The following PREX2 variants were observed in gnomAD, a reference collection of about 807,000 sequenced individuals.
PREX2 encodes phosphatidylinositol-3,4,5-trisphosphate dependent Rac exchange factor 2.
A neutral mutation model predicts 203.2 loss-of-function variants in PREX2; 107 were observed. That is an observed-to-expected ratio of 0.53 (90% CI 0.45 to 0.62). The LOEUF is 0.62. Among genes scored for constraint, PREX2 ranks in the 20% least tolerant of loss-of-function variants. The pLI is 0.00. For missense variants in PREX2, 1,777 were observed against 1,955.9 expected (o/e 0.91, Z 1.72); for synonymous variants, 672 against 663.6 (o/e 1.01, Z -0.19).
At position 68,099,686 on chromosome 8, in the gene PREX2, T is replaced by C. The variant is rs1810202375; in HGVS notation, c.2558T>C (p.Leu853Pro). ...CGTGTGTGTTTGTCATTGCAGATTCTTGAAGCCCTGGCTAAAAGTGATGAG... is the reference window on the plus strand; with the variant it reads ...CGTGTGTGTTTGTCATTGCAGATTCCTGAAGCCCTGGCTAAAAGTGATGAG... ...KGFFSLTAKI[L>P]EALAKSDEHF... The change falls in exon 23 of 40, where the codon CTT becomes CCT. Residue 853 changes from leucine (L) to proline (P), a missense_variant. Transcript: ENST00000288368. 2 of 1,613,278 alleles carry C rather than the reference T, an allele frequency of 1.2e-6. No individual in the cohort carries two copies. Among genetic ancestry groups the C allele is most frequent in the Non-Finnish European group, 8.5e-7 (1 of 1,179,358 alleles).
At chr8:68,123,801 A>G (rs1240451373) in intron 30 of PREX2, among the ~76,000 whole-genome samples, 4 of 151,996 alleles carry the variant, frequency 2.6e-5, no homozygotes, top group African/African-American at 9.7e-5. Context: ...AAAGCCTGGA[A>G]CCAGAGAGAT....
chr8:68,098,532 T>C (rs959084660), intron 22 of PREX2, among the ~76,000 whole-genome samples: 4 of 152,146 alleles, frequency 2.6e-5, no homozygotes, highest in Non-Finnish European at 5.9e-5. Context: ...CATTATAGTA[T>C]TCATGGGATC....
At chr8:67,975,191 G>T (rs1022159567) in intron 1 of PREX2, among the ~76,000 whole-genome samples, 3 of 151,474 alleles carry the variant, frequency 2.0e-5, no homozygotes, top group South Asian at 2.1e-4. Flanking sequence ...AAAGTTCATG[G>T]TCTCCTCTAG....
chr8:68,080,084 A>T (rs1167801907), intron 15 of PREX2, among the ~76,000 whole-genome samples: 1 of 152,156 alleles, frequency 6.6e-6, no homozygotes, highest in Non-Finnish European at 1.5e-5. Context: ...AACACCATAA[A>T]TTTCTATGTT....
chr8:68,070,120 T>C lies in PREX2; in HGVS notation c.1493+236T>C, dbSNP rs150637146. 8.8e-3 allele frequency among the ~76,000 whole-genome samples: 1,333 copies of C among 152,000 alleles called. 17 individuals are homozygous for C. The highest frequency in any genetic ancestry group is 0.031 in the African/African-American group (1,278 of 41,548). On this transcript the variant is annotated intron_variant, in intron 13 of 39. Transcript: ENST00000288368. ...CTAAAATTATTTTGCCATTAGTTCA[T>C]AGTAAATTATACACTTGAAATAATC... is the stretch of plus-strand genomic sequence containing the variant.
At chr8:68,021,847 C>T (rs1807577659) in intron 3 of PREX2, among the ~76,000 whole-genome samples, 189 bp from the exon 4 acceptor site, 1 of 152,152 alleles carries the variant, frequency 6.6e-6, no homozygotes, top group Non-Finnish European at 1.5e-5. Flanking sequence ...TGATATACGT[C>T]TATCTCCCTT....
At chr8:68,056,099 T>A in intron 10 of PREX2, 125 bp downstream of exon 10, 1 of 926,426 alleles carries the variant, frequency 1.1e-6, no homozygotes, top group Non-Finnish European at 1.6e-6. Flanking sequence ...TTCTTTACAG[T>A]TGCCATTTCC....
At position 68,097,112 on chromosome 8, in the gene PREX2, G is replaced by T. The variant is rs190776975; in HGVS notation, c.2464G>T (p.Val822Leu). ...CAATGTCCACCTGGAATATGGTGTC[G>T]TGTATGAGTACGACAGCACAGCTGG... is the stretch of plus-strand genomic sequence containing the variant. ...VDNVHLEYGVVYEYDSTAGIK... is the reference protein window; with the variant it reads ...VDNVHLEYGVLYEYDSTAGIK... The change falls in exon 22 of 40, where the codon GTG (valine) becomes TTG (leucine). Residue 822 changes from valine to leucine, a missense_variant. Physicochemically the swap from Val to Leu is conservative, Grantham distance 32 (BLOSUM62 1). Coordinates refer to ENST00000288368, the MANE Select transcript of PREX2 (RefSeq NM_024870.4). 1 of 1,613,862 alleles carries T rather than the reference G, an allele frequency of 6.2e-7. No individual in the cohort carries two copies. The highest frequency in any genetic ancestry group is 1.3e-5 in the African/African-American group (1 of 74,900).
At position 68,157,995 on chromosome 8, in the gene PREX2, G is replaced by A. The variant is rs548448567; in HGVS notation, c.4346+559G>A. ...TGACAGGGAAAATTAACCACAGTAA[G>A]TGAAAAGAAATGTGTTATAATTCAA... On this transcript the variant is annotated intron_variant, in intron 35 of 39. Coordinates refer to ENST00000288368, the MANE Select transcript of PREX2 (RefSeq NM_024870.4). Among the ~76,000 whole-genome samples the A allele has an allele frequency of 2.0e-5, 3 of 151,704 alleles. No individual in the cohort carries two copies. The South Asian group carries it at 6.2e-4, about 32-fold the overall frequency.
intron 39 of PREX2, among the ~76,000 whole-genome samples, chr8:68,229,000 G>A (rs1585878377): frequency 6.9e-6 from 1 of 145,600 alleles, no homozygotes; most frequent in East Asian, 2.3e-4. Flanking sequence ...ACCTTATTTA[G>A]TCAGGAGTTT....
At chr8:68,165,337 T>C (rs189041052) in intron 35 of PREX2, among the ~76,000 whole-genome samples, 51 of 152,316 alleles carry the variant, frequency 3.3e-4, no homozygotes, top group Non-Finnish European at 1.6e-4. Flanking sequence ...ACCTAAGCAA[T>C]TGTCAGCTAG....
chr8:67,952,768 G>A (rs1460049580), intron 1 of PREX2: 4 of 631,060 alleles, frequency 6.3e-6, no homozygotes, highest in African/African-American at 3.7e-5. Flanking sequence ...AGACCTCCAG[G>A]TCTGAAAAGT....
chr8:68,093,388 C>T (rs1809946931), intron 20 of PREX2, among the ~76,000 whole-genome samples: 1 of 73,670 alleles, frequency 1.4e-5, no homozygotes, highest in African/African-American at 6.5e-5. Flanking sequence ...GAAACTCCAT[C>T]TCAAAAAAAA....
chr8:68,038,156 T>C lies in PREX2; in HGVS notation c.706-3T>C. ...GACATTAATTGCATTTCTCCTGACTTAGGGGTCCAACATCACTGACACCTG... is the reference window on the plus strand; with the variant it reads ...GACATTAATTGCATTTCTCCTGACTCAGGGGTCCAACATCACTGACACCTG... On this transcript the variant is annotated splice_region_variant and splice_polypyrimidine_tract_variant and intron_variant, in intron 6 of 39. Coordinates refer to ENST00000288368, the MANE Select transcript of PREX2 (RefSeq NM_024870.4). 6.2e-7 allele frequency: 1 copy of C among 1,612,986 alleles called. No homozygotes were observed. Among genetic ancestry groups the C allele is most frequent in the Non-Finnish European group, 8.5e-7 (1 of 1,179,292 alleles).
chr8:68,098,923 G>A (rs1245084518), intron 22 of PREX2, among the ~76,000 whole-genome samples: 2 of 123,252 alleles, frequency 1.6e-5, no homozygotes, highest in Admixed American at 8.9e-5. Flanking sequence ...AATCAGAAAT[G>A]CTACATATAT....
intron 26 of PREX2, among the ~76,000 whole-genome samples, chr8:68,116,829 G>C (rs1316240363): frequency 2.0e-5 from 3 of 152,242 alleles, no homozygotes; most frequent in African/African-American, 7.2e-5. Flanking sequence ...GGGAGACCTA[G>C]TTCAACCCAA....
chr8:68,198,702 G>A (rs767663834), intron 37 of PREX2, among the ~76,000 whole-genome samples: 5 of 152,150 alleles, frequency 3.3e-5, no homozygotes, highest in Non-Finnish European at 5.9e-5. Flanking sequence ...TAGCCAGTAG[G>A]AACAAGTGAG....
At chr8:68,202,839 C>T (rs1471999683) in intron 37 of PREX2, among the ~76,000 whole-genome samples, 1 of 152,178 alleles carries the variant, frequency 6.6e-6, no homozygotes, top group Non-Finnish European at 1.5e-5. Context: ...GCTGGAGAAC[C>T]AGGGAAGCCA....
At chr8:68,026,108 C>T (rs1807708643) in intron 4 of PREX2, among the ~76,000 whole-genome samples, 1 of 152,144 alleles carries the variant, frequency 6.6e-6, no homozygotes, top group South Asian at 2.1e-4. Flanking sequence ...GGGAGTGAAA[C>T]CCCCAAAGAG....
Sources: allele counts gnomAD v4.1 joint callset (sites outside exome capture counted in the v4.1 genomes callset), GRCh38; gene constraint gnomAD v4.1.1; transcripts MANE v1.5; gene names NCBI Gene and HGNC (gene_info 2026-07-23, HGNC 2026-07-21).